INPP4B: variants seen among roughly 807,000 people sequenced by gnomAD.
INPP4B encodes the protein inositol polyphosphate-4-phosphatase type II B, also known as inositol polyphosphate 4-phosphatase type II.
Under a neutral mutation model 122.5 loss-of-function variants are expected in INPP4B, and 55 were observed. The observed-to-expected ratio is 0.45, with a 90% CI of 0.36 to 0.56. INPP4B has a LOEUF of 0.56. Ranked by LOEUF, INPP4B falls within the 20% of genes least tolerant of loss-of-function variation. INPP4B has a pLI of 0.00. For missense variants in INPP4B, 1,000 were observed against 1,097.7 expected (o/e 0.91, Z 1.26); for synonymous variants, 403 against 388.7 (o/e 1.04, Z -0.43).
rs1011502155 is a variant in INPP4B, at chr4:142,572,662, C to T, written c.-190-109936G>A. On this transcript the variant is annotated intron_variant, in intron 2 of 25. Transcript: ENST00000262992. ...AATTTTTTATCTGGGTGAGAATGCTCCCAGATAAAAGATAATAAGTTAATG... is the reference window on the plus strand; with the variant it reads ...AATTTTTTATCTGGGTGAGAATGCTTCCAGATAAAAGATAATAAGTTAATG... Among the ~76,000 whole-genome samples, 6 of 151,858 alleles carry T rather than the reference C, an allele frequency of 4.0e-5. 1 individual carries two copies. The highest frequency in any genetic ancestry group is 3.3e-4 in the Admixed American group (5 of 15,236).
At chr4:142,520,771 G>C (rs756572498) in intron 2 of INPP4B, among the ~76,000 whole-genome samples, 8 of 151,836 alleles carry the variant, frequency 5.3e-5, no homozygotes, top group Non-Finnish European at 1.2e-4. Flanking sequence ...TATTATTAAA[G>C]TATAATTTCT....
At chr4:142,342,627 A>T (rs1363281825) in intron 7 of INPP4B, among the ~76,000 whole-genome samples, 4 of 152,168 alleles carry the variant, frequency 2.6e-5, no homozygotes, top group Non-Finnish European at 5.9e-5. Context: ...GAATTGTTGC[A>T]TATTTTCACA....
chr4:142,638,345 G>A (rs1394406690), intron 2 of INPP4B, among the ~76,000 whole-genome samples: 1 of 152,008 alleles, frequency 6.6e-6, no homozygotes, highest in Non-Finnish European at 1.5e-5. Flanking sequence ...TAAGTCTATG[G>A]TTCATTTTGA....
chr4:142,632,903 A>G (rs932785512), intron 2 of INPP4B, among the ~76,000 whole-genome samples: 1 of 117,550 alleles, frequency 8.5e-6, no homozygotes, highest in Non-Finnish European at 1.8e-5. Flanking sequence ...GGATCACAGA[A>G]GGATGGTAGA....
At chr4:142,445,376 G>A (rs1812689341) in intron 3 of INPP4B, among the ~76,000 whole-genome samples, 3 of 152,054 alleles carry the variant, frequency 2.0e-5, no homozygotes, top group Non-Finnish European at 2.9e-5. Context: ...CAAAAATACT[G>A]AAAAACAACA....
intron 9 of INPP4B, among the ~76,000 whole-genome samples, chr4:142,283,660 C>T (rs549613263): frequency 1.3e-5 from 2 of 152,058 alleles, no homozygotes; most frequent in African/African-American, 2.4e-5. Flanking sequence ...TGTACCTAAA[C>T]ATGGAAAAGG....
chr4:142,684,558 G>A (rs1580703407), intron 2 of INPP4B, among the ~76,000 whole-genome samples: 2 of 151,848 alleles, frequency 1.3e-5, no homozygotes, highest in Admixed American at 1.3e-4. Flanking sequence ...TTCCCAAATA[G>A]CTCAACAGCC....
At chr4:142,146,490 T>A (rs1370320125) in intron 17 of INPP4B, among the ~76,000 whole-genome samples, 3 of 152,114 alleles carry the variant, frequency 2.0e-5, no homozygotes, top group African/African-American at 7.2e-5. Flanking sequence ...CTTTCAGAAC[T>A]TTTTCATCTT....
intron 1 of INPP4B, among the ~76,000 whole-genome samples, chr4:142,766,388 T>C (rs1039254808): frequency 6.6e-6 from 1 of 152,100 alleles, no homozygotes; most frequent in Non-Finnish European, 1.5e-5. Flanking sequence ...TTTTTGTTTT[T>C]TTTTTCTGAG....
At chr4:142,683,046 TC>T (rs1580700581) in intron 2 of INPP4B, among the ~76,000 whole-genome samples, 1 of 151,962 alleles carries the variant, frequency 6.6e-6, no homozygotes, top group East Asian at 1.9e-4. Flanking sequence ...AAAGTTTAGC[TC>T]AGCTGAAGCT....
intron 1 of INPP4B, among the ~76,000 whole-genome samples, chr4:142,727,936 G>A (rs116430014): frequency 7.6e-4 from 116 of 152,236 alleles, no homozygotes; most frequent in African/African-American, 2.6e-3. Context: ...GACAGTCAGC[G>A]CTATTTGGTC....
At chr4:142,781,464 G>C (rs1354775222) in intron 1 of INPP4B, among the ~76,000 whole-genome samples, 2 of 152,062 alleles carry the variant, frequency 1.3e-5, no homozygotes, top group Admixed American at 1.3e-4. Context: ...TAACACCCAG[G>C]GTAGTTCACT....
chr4:142,572,952 G>A (rs567023883), intron 2 of INPP4B, among the ~76,000 whole-genome samples: 2 of 151,682 alleles, frequency 1.3e-5, no homozygotes, highest in South Asian at 4.2e-4. Flanking sequence ...CAATTATCTT[G>A]TATGTATTAC....
At chr4:142,150,735 T>C (rs1813435734) in intron 17 of INPP4B, among the ~76,000 whole-genome samples, 1 of 152,114 alleles carries the variant, frequency 6.6e-6, no homozygotes, top group Non-Finnish European at 1.5e-5. Flanking sequence ...CAGGGGGACA[T>C]TACACCTGGC....
At chr4:142,566,605 G>T (rs1731676140) in intron 2 of INPP4B, among the ~76,000 whole-genome samples, 1 of 152,164 alleles carries the variant, frequency 6.6e-6, no homozygotes, top group Admixed American at 6.5e-5. Context: ...GGGAAAGAGG[G>T]ATAACACATA....
intron 3 of INPP4B, among the ~76,000 whole-genome samples, chr4:142,448,027 T>C (rs1813287205): frequency 6.6e-6 from 1 of 152,120 alleles, no homozygotes; most frequent in Non-Finnish European, 1.5e-5. Context: ...GAGAAGATAG[T>C]CATGGCCAAC....
At chr4:142,253,964 C>G (rs1235300728) in intron 11 of INPP4B, among the ~76,000 whole-genome samples, 1 of 152,190 alleles carries the variant, frequency 6.6e-6, no homozygotes, top group Non-Finnish European at 1.5e-5. Flanking sequence ...TGTCTGACAG[C>G]TTTGAAGAGA....
At chr4:142,618,742 C>T (rs1744228729) in intron 2 of INPP4B, among the ~76,000 whole-genome samples, 1 of 151,880 alleles carries the variant, frequency 6.6e-6, no homozygotes. Flanking sequence ...GGGACTATAC[C>T]AAACTAAAAA....
At chr4:142,236,809 A>C (rs112187378) in intron 12 of INPP4B, among the ~76,000 whole-genome samples, 2 of 152,176 alleles carry the variant, frequency 1.3e-5, no homozygotes, top group Non-Finnish European at 1.5e-5. Flanking sequence ...CGACCAAAAG[A>C]GTAAAATACT....
Sources: allele counts gnomAD v4.1 joint callset (sites outside exome capture counted in the v4.1 genomes callset), GRCh38; gene constraint gnomAD v4.1.1; transcripts MANE v1.5; gene names NCBI Gene and HGNC (gene_info 2026-07-23, HGNC 2026-07-21).